Variants in TTC17 observed in about 807,000 individuals in gnomAD.
The protein encoded by TTC17 is tetratricopeptide repeat domain 17.
A neutral mutation model predicts 143.8 loss-of-function variants in TTC17; 58 were observed. That is an observed-to-expected ratio of 0.40 (90% confidence interval 0.33 to 0.50). The LOEUF (loss-of-function observed/expected upper bound fraction) is 0.50, where lower values mean the gene tolerates loss of function less well. Ranked by LOEUF, TTC17 falls within the 20% of genes least tolerant of loss-of-function variation. The pLI is 0.49. For missense variants in TTC17, 1,273 were observed against 1,392.5 expected (o/e 0.91, Z 1.37); for synonymous variants, 501 against 497.8 (o/e 1.01, Z -0.09).
chr11:43,464,121 CAAAA>C (rs763018502), intron 21 of TTC17, among the ~76,000 whole-genome samples: 8 of 150,490 alleles, frequency 5.3e-5, no homozygotes, highest in Non-Finnish European at 1.2e-4. Flanking sequence ...ACTAAAAATA[CAAAA>C]AAAAATTAGC....
At chr11:43,375,140 T>C (rs1159313914) in intron 1 of TTC17, among the ~76,000 whole-genome samples, 2 of 152,220 alleles carry the variant, frequency 1.3e-5, no homozygotes, top group African/African-American at 4.8e-5. Flanking sequence ...TCATCCCCAT[T>C]CTCAGGCCCC....
chr11:43,362,738 C>T (rs1309260947), intron 1 of TTC17, among the ~76,000 whole-genome samples: 1 of 152,188 alleles, frequency 6.6e-6, no homozygotes, highest in African/African-American at 2.4e-5. Context: ...GGACTACAGG[C>T]TTGTGCCACC....
intron 21 of TTC17, chr11:43,486,363 T>C (rs1434592560): frequency 4.6e-6 from 2 of 436,922 alleles, no homozygotes; most frequent in Non-Finnish European, 9.3e-6. Flanking sequence ...CCTGTCATTA[T>C]CAGATTGAAA....
At chr11:43,471,546 TATGGACAGCGGAGAGGA>T (rs1948092673) in intron 21 of TTC17, among the ~76,000 whole-genome samples, 1 of 152,230 alleles carries the variant, frequency 6.6e-6, no homozygotes, top group African/African-American at 2.4e-5. Flanking sequence ...AAGTCCAATT[TATGGACAGCGGAGAGGA>T]GTGGACAGCT....
At chr11:43,368,063 A>G (rs1028721703) in intron 1 of TTC17, among the ~76,000 whole-genome samples, 11 of 152,214 alleles carry the variant, frequency 7.2e-5, no homozygotes, top group Admixed American at 5.2e-4. Flanking sequence ...TCTTACATGC[A>G]TTAGCATACA....
chr11:43,479,569 C>T (rs1221528214), intron 21 of TTC17, among the ~76,000 whole-genome samples: 1 of 152,164 alleles, frequency 6.6e-6, no homozygotes, highest in East Asian at 1.9e-4. Context: ...AAAAGAAATC[C>T]ATACCTACAT....
intron 16 of TTC17, among the ~76,000 whole-genome samples, chr11:43,438,610 T>C (rs148906531): frequency 6.6e-6 from 1 of 152,222 alleles, no homozygotes; most frequent in Non-Finnish European, 1.5e-5. Flanking sequence ...TGGCACCCAT[T>C]GATATTACTC....
At chr11:43,471,920 A>G (rs1272097824) in intron 21 of TTC17, among the ~76,000 whole-genome samples, 15 of 152,244 alleles carry the variant, frequency 9.9e-5, no homozygotes, top group Admixed American at 9.2e-4. Context: ...TAAACCTAAT[A>G]TATCAGTAAG....
chr11:43,404,835 AT>A (rs1215985207), intron 11 of TTC17, among the ~76,000 whole-genome samples: 22 of 152,324 alleles, frequency 1.4e-4, no homozygotes, highest in African/African-American at 4.6e-4. Context: ...TTTAGAGAAA[AT>A]TAACATTTTA....
At chr11:43,463,487 T>G (rs918576171) in intron 21 of TTC17, among the ~76,000 whole-genome samples, 1 of 151,832 alleles carries the variant, frequency 6.6e-6, no homozygotes, top group Admixed American at 6.6e-5. Flanking sequence ...AAGAGAATTT[T>G]AAAAGAAAAT....
Position 43,493,958 on chromosome 11 carries a change from A to G in TTC17, c.*54A>G. The stretch of plus-strand genomic sequence containing the variant: ...ACTCATGCTCTAAAAAAAAAGAATA[A>G]GAAAAGAAACCAATCATTGTCAGTA... On this transcript the variant is annotated 3_prime_UTR_variant, in exon 24 of 24. Transcript: ENST00000039989. 5 of 1,514,770 alleles carry G rather than the reference A, an allele frequency of 3.3e-6. No individual in the cohort carries two copies. The highest frequency in any genetic ancestry group is 4.4e-6 in the Non-Finnish European group (5 of 1,131,760). 93.8% of individuals were successfully genotyped at this position (1,514,770 alleles called of 1,614,324 possible). A position where few individuals can be genotyped will look rare whatever the true frequency, so the allele number is the denominator to read the frequency against.
chr11:43,465,036 ACTGT>A (rs373227373), intron 21 of TTC17, among the ~76,000 whole-genome samples: 29 of 152,348 alleles, frequency 1.9e-4, no homozygotes, highest in African/African-American at 6.0e-4. Context: ...GCTTTTGGTG[ACTGT>A]CTGGGGATTT....
At chr11:43,447,881 C>T (rs1407737430) in intron 18 of TTC17, 121 bp from the exon 19 acceptor site, 44 of 1,245,294 alleles carry the variant, frequency 3.5e-5, no homozygotes, top group Non-Finnish European at 4.9e-5. Context: ...ATGTTAAAGA[C>T]TACAGGAATG....
intron 2 of TTC17, among the ~76,000 whole-genome samples, chr11:43,379,815 C>T (rs1162683626): frequency 6.6e-6 from 1 of 152,104 alleles, no homozygotes; most frequent in East Asian, 1.9e-4. Flanking sequence ...AAGCTCGAAT[C>T]TTATTAGTGC....
intron 1 of TTC17, among the ~76,000 whole-genome samples, chr11:43,362,802 C>A (rs932583011): frequency 6.6e-6 from 1 of 152,130 alleles, no homozygotes. Flanking sequence ...GGAAGCATAC[C>A]TTCCCCAATT....
rs571795775 is a variant in TTC17, at chr11:43,396,539, G to C, written c.664-170G>C. The C allele has an allele frequency of 2.6e-4, 105 of 409,876 alleles. 1 individual carries two copies. The highest frequency in any genetic ancestry group is 1.8e-3 in the African/African-American group (89 of 49,718). The allele number at this position is 409,876 out of a possible 1,614,324, so 25.4% of individuals were successfully genotyped here. ...TGATGATTAGAATGCTCTTCTGACA[G>C]GTATAGTTTCTTTGCACTGTGTCCT... On this transcript the variant is annotated intron_variant, in intron 5 of 23. Coordinates refer to ENST00000039989, the MANE Select transcript of TTC17 (RefSeq NM_018259.6).
chr11:43,481,352 G>GT (rs1948283917), intron 21 of TTC17, among the ~76,000 whole-genome samples: 1 of 151,942 alleles, frequency 6.6e-6, no homozygotes, highest in Admixed American at 6.6e-5. Context: ...TTGGTCTGTG[G>GT]TTTTTTTTAT....
At position 43,450,428 on chromosome 11, in the gene TTC17, C is replaced by CT. The variant is rs1411512868; in HGVS notation, c.2946+194dup. Among the ~76,000 whole-genome samples the CT allele has an allele frequency of 7.9e-5, 12 of 152,276 alleles. 1 individual carries two copies. The South Asian group carries it at 1.4e-3, about 18-fold the overall frequency. On this transcript the variant is annotated intron_variant, in intron 20 of 23. Coordinates refer to ENST00000039989, the MANE Select transcript of TTC17 (RefSeq NM_018259.6). ...AGGCCCTGGGACTGAGCTTATTATT[C>CT]TTTTTTTCTTTATGACCATGGAATT...
intron 21 of TTC17, among the ~76,000 whole-genome samples, chr11:43,467,034 G>C (rs1477262400): frequency 6.6e-6 from 1 of 151,986 alleles, no homozygotes; most frequent in African/African-American, 2.4e-5. Context: ...ACGTATAGCT[G>C]GATTGCAGAG....
Sources: allele counts gnomAD v4.1 joint callset (sites outside exome capture counted in the v4.1 genomes callset), GRCh38; gene constraint gnomAD v4.1.1; transcripts MANE v1.5; gene names NCBI Gene and HGNC (gene_info 2026-07-23, HGNC 2026-07-21).